The following VBP1 variants were observed in gnomAD, a reference collection of about 807,000 sequenced individuals.
The protein encoded by VBP1 is prefoldin subunit 3.
Under a neutral mutation model 15.5 loss-of-function variants are expected in VBP1, and 4 were observed. The ratio of observed to expected loss-of-function variants is 0.26; its 90% CI spans 0.13 to 0.59. The LOEUF is 0.59. VBP1 is among the 20% of genes least tolerant of loss of function. VBP1 has a pLI of 0.90. For missense variants in VBP1, 108 were observed against 139.6 expected (o/e 0.77, Z 1.14); for synonymous variants, 61 against 52.1 (o/e 1.17, Z -0.74).
intron 2 of VBP1, among the ~76,000 whole-genome samples, chrX:155,225,843 G>A (rs782286406): frequency 1.9e-4 from 21 of 111,603 alleles, no homozygotes; most frequent in South Asian, 3.7e-4. Flanking sequence ...GTGAAAAAAT[G>A]AATGCTAGGT....
chrX:155,211,261 C>T (rs1557308485), intron 2 of VBP1, among the ~76,000 whole-genome samples: 4 of 112,012 alleles, frequency 3.6e-5, no homozygotes, highest in African/African-American at 6.5e-5. Context: ...TTTATTATCT[C>T]CAGTTATACA....
upstream of VBP1, among the ~76,000 whole-genome samples, chrX:155,212,548 G>C (rs1190546168): frequency 8.9e-6 from 1 of 111,891 alleles, no homozygotes; most frequent in Non-Finnish European, 1.9e-5. Flanking sequence ...AAATGTATTA[G>C]CACTAGAAGT....
intron 1 of VBP1, among the ~76,000 whole-genome samples, chrX:155,208,427 G>A (rs1474273365): frequency 1.8e-5 from 2 of 111,879 alleles, no homozygotes; most frequent in African/African-American, 3.3e-5. Flanking sequence ...CCTGTAGATC[G>A]CCATATCAAA....
At chrX:155,235,705 A>T (rs1319032051) in intron 4 of VBP1, among the ~76,000 whole-genome samples, 1 of 112,407 alleles carries the variant, frequency 8.9e-6, no homozygotes, top group Non-Finnish European at 1.9e-5. Flanking sequence ...GAAAAATTTT[A>T]AATTAATATC....
chrX:155,238,988 A>G lies in VBP1; in HGVS notation c.*146A>G, dbSNP rs911274476. On this transcript the variant is annotated 3_prime_UTR_variant, in exon 6 of 6. Transcript: ENST00000286428. ...ACCATTTTATTTATTTATAAAAACA[A>G]AATTAGTTTCAAATATTTTTGACAT... The G allele has an allele frequency of 2.7e-6, 1 of 371,965 alleles. No homozygotes were observed. The highest frequency in any genetic ancestry group is 4.3e-6 in the Non-Finnish European group (1 of 230,600). The allele number at this position is 371,965 out of a possible 1,213,427, so 30.7% of individuals were successfully genotyped here.
At chrX:155,236,404 G>T in intron 5 of VBP1, 37 bp downstream of exon 5, 1 of 1,175,347 alleles carries the variant, frequency 8.5e-7, no homozygotes, top group Non-Finnish European at 1.1e-6. Flanking sequence ...GGGAAAAAAG[G>T]AGAAAGATTT....
intron 1 of VBP1, among the ~76,000 whole-genome samples, chrX:155,199,363 G>T (rs2074592252): frequency 1.8e-5 from 2 of 111,061 alleles, no homozygotes; most frequent in South Asian, 7.6e-4. Flanking sequence ...AGAGAGAAAG[G>T]TCGGGTTACC....
intron 1 of VBP1, among the ~76,000 whole-genome samples, chrX:155,217,220 T>C (rs2074669454): frequency 8.9e-6 from 1 of 111,959 alleles, no homozygotes; most frequent in Non-Finnish European, 1.9e-5. Context: ...AATGAATTGT[T>C]GAGAGAGGAG....
rs782144448 is a variant in VBP1, at chrX:155,236,225, T to C, written c.385-4T>C. ...GAGTAATTGTCATGACTTTCTCTCT[T>C]CAGGCTAATGTAATGCTTGAATATG... On this transcript the variant is annotated splice_polypyrimidine_tract_variant and splice_region_variant and intron_variant, in intron 4 of 5. Transcript: ENST00000286428. 8.3e-7 allele frequency: 1 copy of C among 1,207,391 alleles called. No homozygotes were observed. The highest frequency in any genetic ancestry group is 1.8e-5 in the South Asian group (1 of 56,161).
At chrX:155,211,459 A>C (rs914498220) in intron 2 of VBP1, among the ~76,000 whole-genome samples, 33 of 112,337 alleles carry the variant, frequency 2.9e-4, no homozygotes, top group African/African-American at 1.0e-3. Context: ...AGAGAAGCAA[A>C]GGCAAGAGAA....
intron 1 of VBP1, among the ~76,000 whole-genome samples, chrX:155,198,113 G>C (rs928446193): frequency 8.9e-6 from 1 of 112,784 alleles, no homozygotes; most frequent in Non-Finnish European, 1.9e-5. Flanking sequence ...CAGGAAGCTC[G>C]AACTGGGTGG....
At chrX:155,216,863 C>T (rs1178554003) in intron 1 of VBP1, among the ~76,000 whole-genome samples, 2 of 112,411 alleles carry the variant, frequency 1.8e-5, no homozygotes, top group East Asian at 2.8e-4. Context: ...CCTGAGGGAC[C>T]TCCGGGCTGC....
intron 4 of VBP1, among the ~76,000 whole-genome samples, chrX:155,234,128 T>G (rs1286236003): frequency 2.2e-5 from 2 of 90,503 alleles, no homozygotes; most frequent in African/African-American, 8.1e-5. Flanking sequence ...TTTTTTTTTT[T>G]TTTTTTTTTT....
intron 1 of VBP1, among the ~76,000 whole-genome samples, chrX:155,198,006 G>A (rs2124023015): frequency 8.9e-6 from 1 of 112,368 alleles, no homozygotes; most frequent in African/African-American, 3.2e-5. Context: ...CTCGCTGATT[G>A]CTAGCACAGC....
intron 1 of VBP1, among the ~76,000 whole-genome samples, chrX:155,203,212 G>A (rs1403660995): frequency 1.8e-5 from 2 of 111,126 alleles, no homozygotes; most frequent in Admixed American, 9.5e-5. Flanking sequence ...CGATTCCTCA[G>A]GGATCTAGAA....
intron 5 of VBP1, 29 bp downstream of exon 5, chrX:155,236,396 G>A (rs1557311582): frequency 1.7e-6 from 2 of 1,175,109 alleles, no homozygotes; most frequent in Admixed American, 2.6e-5. Context: ...AAAAGCAAGG[G>A]AAAAAAGGAG....
intron 4 of VBP1, 46 bp downstream of exon 4, chrX:155,228,528 T>C: frequency 9.4e-7 from 1 of 1,066,552 alleles, no homozygotes; most frequent in Non-Finnish European, 1.3e-6. Context: ...TAAACCAGTG[T>C]GTTTTCTGTA....
At chrX:155,209,800 G>C (rs1258845020) in intron 2 of VBP1, among the ~76,000 whole-genome samples, 8 of 111,647 alleles carry the variant, frequency 7.2e-5, no homozygotes, top group African/African-American at 2.3e-4. Flanking sequence ...AAAATGACGA[G>C]AGTTTTGTAT....
chrX:155,235,126 G>C (rs1428354828), intron 4 of VBP1, among the ~76,000 whole-genome samples: 1 of 109,907 alleles, frequency 9.1e-6, no homozygotes. Context: ...ATGTGTGTGT[G>C]TGTGTGTGTG....
Sources: gnomAD v4.1 joint callset for allele counts (sites outside exome capture counted in the v4.1 genomes callset) on GRCh38, gnomAD v4.1.1 for gene constraint, MANE v1.5 for transcripts, NCBI Gene and HGNC (gene_info 2026-07-23, HGNC 2026-07-21) for gene names.